The following DEFB107A variants were observed in gnomAD, a reference collection of about 807,000 sequenced individuals.
DEFB107A encodes the protein beta-defensin 107.
intron 1 of DEFB107A, among the ~76,000 whole-genome samples, chr8:7,813,632 T>A (rs1339533744): frequency 1.3e-5 from 2 of 151,046 alleles, no homozygotes; most frequent in Non-Finnish European, 2.9e-5. Flanking sequence ...GCATACAGCT[T>A]ATAAAGATTA....
chr8:7,814,973 C>A lies in DEFB107A; in HGVS notation c.70+586G>T, dbSNP rs1238905992. Among the ~76,000 whole-genome samples, 43 of 47,644 alleles carry A rather than the reference C, an allele frequency of 9.0e-4. 1 individual carries two copies. In the South Asian group the frequency reaches 0.019, roughly 21 times the overall value. 31.3% of individuals were successfully genotyped at this position (47,644 alleles called of 152,430 possible). On this transcript the variant is annotated intron_variant, in intron 1 of 1. Coordinates refer to ENST00000335021, the MANE Select transcript of DEFB107A (RefSeq NM_001037668.1). The stretch of plus-strand genomic sequence containing the variant: ...ATCACTTTAGAATATGCTGGCCAGG[C>A]GCGGTGGCTCATGCCTGTAATCCCA...
intron 1 of DEFB107A, among the ~76,000 whole-genome samples, chr8:7,813,294 A>T (rs1817130562): frequency 1.4e-5 from 2 of 142,612 alleles, no homozygotes; most frequent in African/African-American, 5.0e-5. Context: ...ATGTAATCTT[A>T]ATCAGGTTCT....
chr8:7,812,538 G>A (rs1817105940), intron 1 of DEFB107A, among the ~76,000 whole-genome samples: 2 of 134,544 alleles, frequency 1.5e-5, no homozygotes, highest in African/African-American at 5.0e-5. Context: ...GGCAATGTGT[G>A]TTCATTCATA....
At chr8:7,813,393 A>C (rs1421614873) in intron 1 of DEFB107A, among the ~76,000 whole-genome samples, 1 of 147,822 alleles carries the variant, frequency 6.8e-6, no homozygotes, top group Admixed American at 6.9e-5. Flanking sequence ...TTCAGCCCAA[A>C]TCACAACATA....
intron 1 of DEFB107A, among the ~76,000 whole-genome samples, chr8:7,813,735 T>C (rs1287066258): frequency 6.6e-6 from 1 of 152,078 alleles, no homozygotes; most frequent in Non-Finnish European, 1.5e-5. Context: ...ACTCTGAGAT[T>C]CTATGTGATT....
chr8:7,812,928 C>G (rs200761080), intron 1 of DEFB107A, among the ~76,000 whole-genome samples: 3 of 130,128 alleles, frequency 2.3e-5, no homozygotes, highest in South Asian at 2.9e-4. Context: ...CACACACGCA[C>G]ACACATACAC....
intron 1 of DEFB107A, among the ~76,000 whole-genome samples, chr8:7,813,780 C>T (rs1381264696): frequency 1.3e-5 from 2 of 151,818 alleles, no homozygotes; most frequent in Non-Finnish European, 2.9e-5. Context: ...TGTGCCCAAA[C>T]TATGCTTATT....
chr8:7,812,952 C>CACACACAT (rs772424755), intron 1 of DEFB107A, among the ~76,000 whole-genome samples: 1 of 149,148 alleles, frequency 6.7e-6, no homozygotes, highest in South Asian at 2.1e-4. Flanking sequence ...CACACACACA[C>CACACACAT]ATATATATAT....
intron 1 of DEFB107A, among the ~76,000 whole-genome samples, chr8:7,813,907 T>G (rs1446113592): frequency 6.7e-6 from 1 of 148,180 alleles, no homozygotes; most frequent in African/African-American, 2.5e-5. Context: ...GAGAAGACAA[T>G]TTTAAATGAG....
intron 1 of DEFB107A, among the ~76,000 whole-genome samples, chr8:7,814,025 T>C (rs1403221060): frequency 1.0e-5 from 1 of 97,710 alleles, no homozygotes; most frequent in Non-Finnish European, 2.1e-5. Context: ...GAAACTTTCA[T>C]GGGGACATTG....
At chr8:7,813,318 C>T (rs1338634131) in intron 1 of DEFB107A, among the ~76,000 whole-genome samples, 3 of 143,650 alleles carry the variant, frequency 2.1e-5, no homozygotes, top group African/African-American at 7.5e-5. Context: ...CTTTCTAACC[C>T]TGCCTGTTAG....
chr8:7,814,143 C>T (rs2128921224), intron 1 of DEFB107A, among the ~76,000 whole-genome samples: 1 of 39,828 alleles, frequency 2.5e-5, no homozygotes, highest in Admixed American at 3.8e-4. Flanking sequence ...ACCAAGTTTC[C>T]ACATCTATGA....
At position 7,815,667 on chromosome 8, in the gene DEFB107A, C is replaced by A. The variant is rs1817203640; in HGVS notation, c.-39G>T. ...ATGAAGGAAGTGCAGTAGCTGGAAT[C>A]AAGCTCTTTTATCAAGGGGCATTGA... On this transcript the variant is annotated 5_prime_UTR_variant, in exon 1 of 2. The change abolishes the stop of an existing upstream ORF in the 5' untranslated region. Transcript: ENST00000335021. The A allele has an allele frequency of 1.6e-6, 1 of 640,586 alleles. No homozygotes were observed. Among genetic ancestry groups the A allele is most frequent in the Non-Finnish European group, 2.8e-6 (1 of 353,066 alleles). 39.7% of individuals were successfully genotyped at this position (640,586 alleles called of 1,614,324 possible).
At chr8:7,812,688 C>CT (rs1316054955) in intron 1 of DEFB107A, among the ~76,000 whole-genome samples, 1 of 135,860 alleles carries the variant, frequency 7.4e-6, no homozygotes, top group African/African-American at 2.5e-5. Context: ...GAAATAACAA[C>CT]TTTGGGGGAG....
rs1448326018 is a variant in DEFB107A at position 7,813,531 on chromosome 8, G to C, written c.71-1581C>G. ...TCATTAAGATTCTTTATTATAACAA[G>C]TTAGTTTCTAATTAATATAACAAGT... On this transcript the variant is annotated intron_variant, in intron 1 of 1. Coordinates refer to ENST00000335021, the MANE Select transcript of DEFB107A (RefSeq NM_001037668.1). Among the ~76,000 whole-genome samples, 4 of 151,870 alleles carry C rather than the reference G, an allele frequency of 2.6e-5. No homozygotes were observed. In the South Asian group the frequency reaches 6.3e-4, roughly 24 times the overall value.
intron 1 of DEFB107A, among the ~76,000 whole-genome samples, chr8:7,813,095 C>A (rs988869010): frequency 1.5e-5 from 2 of 133,546 alleles, no homozygotes; most frequent in African/African-American, 2.6e-5. Context: ...AGCAGTTATA[C>A]AGAGAGATTG....
chr8:7,813,040 T>C (rs539073468), intron 1 of DEFB107A, among the ~76,000 whole-genome samples: 150 of 150,362 alleles, frequency 1.0e-3, no homozygotes, highest in African/African-American at 3.4e-3. Context: ...TGACCAACAA[T>C]GGTAAACTCT....
intron 1 of DEFB107A, among the ~76,000 whole-genome samples, chr8:7,813,002 A>G (rs1255405445): frequency 6.6e-6 from 1 of 151,528 alleles, no homozygotes; most frequent in Non-Finnish European, 1.5e-5. Flanking sequence ...ATCAGGGCAG[A>G]GAACAAAAAA....
chr8:7,813,835 C>G (rs1817151670), intron 1 of DEFB107A, among the ~76,000 whole-genome samples: 1 of 150,802 alleles, frequency 6.6e-6, no homozygotes, highest in African/African-American at 2.5e-5. Context: ...GGACAGGGAG[C>G]TATTAGGCAT....
Sources: allele counts gnomAD v4.1 joint callset (sites outside exome capture counted in the v4.1 genomes callset), GRCh38; gene constraint gnomAD v4.1.1; transcripts MANE v1.5; gene names NCBI Gene and HGNC (gene_info 2026-07-23, HGNC 2026-07-21).